The following MTERF1 variants were observed in gnomAD, a reference collection of about 807,000 sequenced individuals.
The protein encoded by MTERF1 is mitochondrial transcription termination factor 1.
Under a neutral mutation model 31.6 loss-of-function variants are expected in MTERF1, and 29 were observed. The observed-to-expected ratio is 0.92, with a 90% CI of 0.68 to 1.25. The LOEUF (loss-of-function observed/expected upper bound fraction) is 1.25. MTERF1 is among the 50% of genes most tolerant of loss of function. The probability of loss-of-function intolerance (pLI) is 0.00; values close to 1 mark genes in which losing one functional copy is unlikely to be tolerated. For synonymous variants in MTERF1, 152 were observed against 164.1 expected, an observed-to-expected ratio of 0.93 and a Z score of 0.57; for missense variants, 500 against 469.1, an observed-to-expected ratio of 1.07 and a Z score of -0.61.
chr7:91,880,486 G>T (rs1465346132), intron 1 of MTERF1, 171 bp downstream of exon 1: 2 of 202,666 alleles, frequency 9.9e-6, no homozygotes, highest in Non-Finnish European at 1.0e-5. Flanking sequence ...TCGAACCCAG[G>T]TGGGTCTTTC....
Position 91,872,111 on chromosome 7 carries a change from A to G in MTERF1, c.*1483T>C, listed in dbSNP as rs1375404538. 1 of 152,236 alleles carries G rather than the reference A, an allele frequency of 6.6e-6. No individual in the cohort carries two copies. Among genetic ancestry groups the G allele is most frequent in the African/African-American group, 2.4e-5 (1 of 41,448 alleles). 9.4% of individuals were successfully genotyped at this position (152,236 alleles called of 1,614,324 possible). On this transcript the variant is annotated 3_prime_UTR_variant, in exon 3 of 3. Coordinates refer to ENST00000351870, the MANE Select transcript of MTERF1 (RefSeq NM_006980.5). ...CTCAACCTAGGATTTCTCAGCTTCCATAACTGTAAGAAATTCATTTTCCTT... is the reference window on the plus strand; with the variant it reads ...CTCAACCTAGGATTTCTCAGCTTCCGTAACTGTAAGAAATTCATTTTCCTT...
rs969342387 is a variant in MTERF1, at chr7:91,872,651, T to C, written c.*943A>G. 1.4e-4 allele frequency: 21 copies of C among 152,220 alleles called. No homozygotes were observed. Among genetic ancestry groups the C allele is most frequent in the African/African-American group, 5.1e-4 (21 of 41,456 alleles). The allele number at this position is 152,220 out of a possible 1,614,324, so 9.4% of individuals were successfully genotyped here. A position where few individuals can be genotyped will look rare whatever the true frequency, so the allele number is the denominator to read the frequency against. Reference sequence around the variant, plus strand: ...TGAGGTTTAAAAGGTTGAGCACCATTATGTTATTTAATTCAAAAACCACAT... The same window carrying C: ...TGAGGTTTAAAAGGTTGAGCACCATCATGTTATTTAATTCAAAAACCACAT... On this transcript the variant is annotated 3_prime_UTR_variant, in exon 3 of 3. Coordinates refer to ENST00000351870, the MANE Select transcript of MTERF1 (RefSeq NM_006980.5).
chr7:91,879,072 G>A (rs1789428309), intron 2 of MTERF1, among the ~76,000 whole-genome samples: 1 of 152,138 alleles, frequency 6.6e-6, no homozygotes, highest in Non-Finnish European at 1.5e-5. Flanking sequence ...AAACCTGGGA[G>A]GCGGAGGTTG....
intron 2 of MTERF1, chr7:91,876,900 T>C (rs1789359620): frequency 1.0e-6 from 1 of 985,108 alleles, no homozygotes. Flanking sequence ...AACAGCCTGT[T>C]TTCTCTTCCA....
chr7:91,880,333 C>G, intron 1 of MTERF1: 1 of 505,788 alleles, frequency 2.0e-6, no homozygotes, highest in Non-Finnish European at 3.5e-6. Context: ...ACGTTTTGTA[C>G]CAAAGCTAAG....
At position 91,873,871 on chromosome 7, in the gene MTERF1, T is replaced by C; in HGVS notation, c.923A>G (p.Glu308Gly). ...GCTTAAGACAAACTTCTGTACCTCT[T>C]CTTCAGTACATCCAAGAGAAAACAG... ...EKLFSLGCTE[E>G]EVQKFVLSYP... The change falls in exon 3 of 3, where the codon GAA (glutamate) becomes GGA (glycine). Residue 308 changes from glutamate to glycine, a missense_variant. By Grantham distance (98) the Glu-to-Gly change is moderately conservative (BLOSUM62 -2). Coordinates refer to ENST00000351870, the MANE Select transcript of MTERF1 (RefSeq NM_006980.5). 6.2e-7 allele frequency: 1 copy of C among 1,614,128 alleles called. No individual in the cohort carries two copies. Among genetic ancestry groups the C allele is most frequent in the Non-Finnish European group, 8.5e-7 (1 of 1,180,028 alleles).
At position 91,873,560 on chromosome 7, in the gene MTERF1, T is replaced by C. The variant is rs186202598; in HGVS notation, c.*34A>G. ...TCTTTTGCAATGTGGCATAACATAT[T>C]CACAGTTCCTGAGAATTAAAAACAT... On this transcript the variant is annotated 3_prime_UTR_variant, in exon 3 of 3. Transcript: ENST00000351870. 1.0e-4 allele frequency: 155 copies of C among 1,532,980 alleles called. 1 individual carries two copies. In the Middle Eastern group the frequency reaches 2.4e-3, roughly 24 times the overall value. The allele number at this position is 1,532,980 out of a possible 1,614,324, so 95.0% of individuals were successfully genotyped here.
At position 91,874,378 on chromosome 7, in the gene MTERF1, A is replaced by G. The variant is rs746035057; in HGVS notation, c.416T>C (p.Leu139Pro). ...TCTCCACAGATCCCACCGTTTTGAA[A>G]GATTCTCGGGAGTACGTGTTATTGC... is the stretch of plus-strand genomic sequence containing the variant. ...PRAITRTPEN[L>P]SKRWDLWRKI... The change falls in exon 3 of 3, where the codon CTT becomes CCT. Residue 139 changes from leucine to proline, a missense_variant. Coordinates refer to ENST00000351870, the MANE Select transcript of MTERF1 (RefSeq NM_006980.5). 3.1e-6 allele frequency: 5 copies of G among 1,614,158 alleles called. No individual in the cohort carries two copies. Among genetic ancestry groups the G allele is most frequent in the Non-Finnish European group, 4.2e-6 (5 of 1,180,028 alleles).
chr7:91,876,826 T>A (rs1219269211), intron 2 of MTERF1: 1 of 869,004 alleles, frequency 1.2e-6, no homozygotes, highest in Non-Finnish European at 1.4e-6. Flanking sequence ...ATGCATGAAT[T>A]TAGAAACTTT....
At chr7:91,874,844 T>G in intron 2 of MTERF1, 80 bp from the exon 3 acceptor site, 1 of 1,000,314 alleles carries the variant, frequency 1.0e-6, no homozygotes, top group Non-Finnish European at 1.5e-6. Flanking sequence ...CCTATAAGCA[T>G]CATGGTCATT....
rs1789243938 is a variant in MTERF1 at position 91,873,701 on chromosome 7, C to A, written c.1093G>T (p.Glu365Ter). ...SISTLKSRIK[E>*]LVNAGCNLST... ...AAGTTACAGCCAGCATTTACCAATT[C>A]TTTGATTCGACTTTTTAAAGTACTT... The change falls in exon 3 of 3, where the codon GAA becomes TAA. Residue 365 changes from glutamate to a stop codon, truncating the protein, a stop_gained. Transcript: ENST00000351870. LOFTEE classifies it high-confidence loss of function. 5 of 1,613,978 alleles carry A rather than the reference C, an allele frequency of 3.1e-6. No homozygotes were observed. The highest frequency in any genetic ancestry group is 1.7e-5 in the Admixed American group (1 of 59,986).
rs763123258 is a variant in MTERF1, at chr7:91,874,187, T to C, written c.607A>G (p.Thr203Ala). Residue 203 changes from threonine to alanine, a missense_variant, in exon 3 of 3, where the codon ACC becomes GCC. Thr to Ala is a moderately conservative substitution (Grantham distance 58, BLOSUM62 0). Transcript: ENST00000351870. ...LCRLLTNAPR[T>A]FSNSLDLNKQ... ...TTCAGATCAAGACTATTGGAGAAGG[T>C]ACGAGGGGCATTGGTCAACAATCGA... The C allele has an allele frequency of 2.5e-6, 4 of 1,614,124 alleles. No homozygotes were observed. The Admixed American group carries it at 6.7e-5, about 27-fold the overall frequency.
rs965570703 is a variant in MTERF1, at chr7:91,871,959, G to T, written c.*1635C>A. On this transcript the variant is annotated 3_prime_UTR_variant, in exon 3 of 3. Transcript: ENST00000351870. The stretch of plus-strand genomic sequence containing the variant: ...AATGAATTAATAGGCTATCATGGGA[G>T]TGGACTGGTGGCTTTATAAGAGGAA... 1 of 152,180 alleles carries T rather than the reference G, an allele frequency of 6.6e-6. No homozygotes were observed. The allele number at this position is 152,180 out of a possible 1,614,324, so 9.4% of individuals were successfully genotyped here.
chr7:91,877,710 T>G (rs1212500575), intron 2 of MTERF1, among the ~76,000 whole-genome samples: 2 of 152,232 alleles, frequency 1.3e-5, no homozygotes, highest in Non-Finnish European at 2.9e-5. Context: ...TGTGCTTCTC[T>G]GACATCCATC....
chr7:91,879,370 T>C (rs1377425242), intron 2 of MTERF1, among the ~76,000 whole-genome samples: 2 of 151,910 alleles, frequency 1.3e-5, no homozygotes, highest in South Asian at 2.1e-4. Context: ...GTATGGATAA[T>C]GCCATGTATA....
chr7:91,873,950 G>C lies in MTERF1; in HGVS notation c.844C>G (p.Leu282Val), dbSNP rs747931089. 1.2e-6 allele frequency: 2 copies of C among 1,613,890 alleles called. No individual in the cohort carries two copies. Among genetic ancestry groups the C allele is most frequent in the South Asian group, 2.2e-5 (2 of 91,074 alleles). Residue 282 changes from leucine (L) to valine (V), a missense_variant, in exon 3 of 3, where the codon CTA becomes GTA. Leu to Val is a conservative substitution (Grantham distance 32). Transcript: ENST00000351870. ...VLICGPGAEI[L>V]DLSNDYARRS... Reference sequence around the variant, plus strand: ...CTGGCATAGTCATTGGAAAGGTCTAGGATTTCAGCTCCTGGACCACATATC... The same window carrying C: ...CTGGCATAGTCATTGGAAAGGTCTACGATTTCAGCTCCTGGACCACATATC...
At position 91,874,452 on chromosome 7, in the gene MTERF1, T is replaced by C; in HGVS notation, c.342A>G (p.Lys114=). 1.2e-6 allele frequency: 2 copies of C among 1,614,118 alleles called. No individual in the cohort carries two copies. The highest frequency in any genetic ancestry group is 8.5e-7 in the Non-Finnish European group (1 of 1,180,008). Residue 114 remains lysine (K), a synonymous_variant, in exon 3 of 3, where the codon AAA becomes AAG. Transcript: ENST00000351870. ...TAGCGATCACTTCTTTGCTAGCTCC[T>C]TTGGAAAGAAGGAACATCTTCAGGT... is the stretch of plus-strand genomic sequence containing the variant. The part of the protein sequence containing the change: ...EQDLKMFLLS[K]GASKEVIASI...
rs923295315 is a variant in MTERF1, at chr7:91,872,131, T to C, written c.*1463A>G. The C allele has an allele frequency of 6.6e-6, 1 of 152,218 alleles. No homozygotes were observed. The highest frequency in any genetic ancestry group is 1.5e-5 in the Non-Finnish European group (1 of 68,038). The allele number at this position is 152,218 out of a possible 1,614,324, so 9.4% of individuals were successfully genotyped here. On this transcript the variant is annotated 3_prime_UTR_variant, in exon 3 of 3. Transcript: ENST00000351870. ...CTTCCATAACTGTAAGAAATTCATT[T>C]TCCTTATAAATTTTCCAATAAATTA...
chr7:91,878,892 T>C (rs2130326121), intron 2 of MTERF1, among the ~76,000 whole-genome samples: 2 of 152,280 alleles, frequency 1.3e-5, no homozygotes, highest in African/African-American at 4.8e-5. Flanking sequence ...CCAAGCACAG[T>C]GGCTTCACAC....
Sources: gnomAD v4.1 joint callset for allele counts (sites outside exome capture counted in the v4.1 genomes callset) on GRCh38, gnomAD v4.1.1 for gene constraint, MANE v1.5 for transcripts, NCBI Gene and HGNC (gene_info 2026-07-23, HGNC 2026-07-21) for gene names.